KLKB1: variants seen among roughly 807,000 people sequenced by gnomAD.
The protein encoded by KLKB1 is kallikrein B1.
KLKB1 carries 58 observed loss-of-function variants against 73.6 expected under a neutral mutation model. The observed-to-expected ratio is 0.79, with a 90% CI of 0.64 to 0.98. The LOEUF is 0.98. KLKB1 is among the 50% of genes least tolerant of loss of function. The probability of loss-of-function intolerance (pLI) is 0.00; values close to 1 mark genes in which losing one functional copy is unlikely to be tolerated. For synonymous variants in KLKB1, 280 were observed against 258.1 expected (o/e 1.08, Z -0.81); for missense variants, 737 against 763.8 (o/e 0.96, Z 0.41).
chr4:186,254,672 A>G lies in KLKB1; in HGVS notation c.1398A>G (p.Ile466Met). The G allele has an allele frequency of 1.2e-6, 2 of 1,613,518 alleles. No individual in the cohort carries two copies. Among genetic ancestry groups the G allele is most frequent in the African/African-American group, 1.3e-5 (1 of 75,048 alleles). Residue 466 changes from isoleucine (I) to methionine (M), a missense_variant, in exon 12 of 15, where the codon ATA becomes ATG. Transcript: ENST00000264690. Reference sequence around the variant, plus strand: ...CAAAAGATACACCTTTCTCACAAATAAAAGAGATTATTATTCACCAAAACT... The same window carrying G: ...CAAAAGATACACCTTTCTCACAAATGAAAGAGATTATTATTCACCAAAACT... ...DITKDTPFSQIKEIIIHQNYK... is the reference protein window; with the variant it reads ...DITKDTPFSQMKEIIIHQNYK...
intron 2 of KLKB1, among the ~76,000 whole-genome samples, chr4:186,221,105 T>C (rs1294176327): frequency 6.6e-6 from 1 of 151,204 alleles, no homozygotes; most frequent in Non-Finnish European, 1.5e-5. Context: ...CTGTTTTTCA[T>C]AGTAGTCTCA....
At chr4:186,217,295 T>C (rs904040751) in intron 2 of KLKB1, among the ~76,000 whole-genome samples, 1 of 152,140 alleles carries the variant, frequency 6.6e-6, no homozygotes, top group East Asian at 1.9e-4. Flanking sequence ...TGTTTTGTTG[T>C]TGTTGTTGTT....
intron 7 of KLKB1, 50 bp downstream of exon 7, chr4:186,250,452 C>G (rs1446057367): frequency 7.6e-6 from 12 of 1,580,818 alleles, no homozygotes; most frequent in Non-Finnish European, 9.6e-6. Flanking sequence ...GCATGGGGAG[C>G]ACTTGCTGCT....
intron 6 of KLKB1, among the ~76,000 whole-genome samples, chr4:186,248,163 G>A (rs562783387): frequency 7.1e-4 from 108 of 152,176 alleles, no homozygotes; most frequent in South Asian, 2.3e-3. Flanking sequence ...CAGGAGAATG[G>A]CCTGAACCCA....
intron 7 of KLKB1, 164 bp from the exon 8 acceptor site, chr4:186,251,055 C>G (rs1561463708): frequency 1.6e-6 from 1 of 609,252 alleles, no homozygotes; most frequent in Non-Finnish European, 2.9e-6. Flanking sequence ...CATTTAATCT[C>G]TGCAATTTAT....
rs201643294 is a variant in KLKB1 at position 186,250,326 on chromosome 4, C to G, written c.682C>G (p.Arg228Gly). ...RVLTPDAFVC[R>G]TICTYHPNCL... ...TCTCACTCCAGATGCTTTTGTGTGT[C>G]GGACCATCTGCACCTATCACCCCAA... The change falls in exon 7 of 15, where the codon CGG (arginine) becomes GGG (glycine). Residue 228 changes from arginine to glycine, a missense_variant. By Grantham distance (125) the Arg-to-Gly change is moderately radical. Transcript: ENST00000264690. 1.2e-6 allele frequency: 2 copies of G among 1,613,952 alleles called. No individual in the cohort carries two copies.
intron 2 of KLKB1, among the ~76,000 whole-genome samples, chr4:186,231,762 A>G (rs543681085): frequency 1.6e-4 from 25 of 152,360 alleles, no homozygotes; most frequent in African/African-American, 6.0e-4. Flanking sequence ...GATGTTTGTT[A>G]CAAAAGTGTT....
chr4:186,243,963 G>A (rs1232638883), intron 6 of KLKB1, among the ~76,000 whole-genome samples: 1 of 152,124 alleles, frequency 6.6e-6, no homozygotes, highest in East Asian at 1.9e-4. Flanking sequence ...GAAATGGAGT[G>A]GATGTCAGGT....
chr4:186,250,413 A>G lies in KLKB1; in HGVS notation c.758+11A>G, dbSNP rs370283934. 1.8e-5 allele frequency: 29 copies of G among 1,613,598 alleles called. No individual in the cohort carries two copies. The African/African-American group carries it at 3.2e-4, about 18-fold the overall frequency. ...AATCGAGTCACAAAGGCGAGTATGC[A>G]TGGAAAATCGCATCACAAAGGCGAG... On this transcript the variant is annotated intron_variant, in intron 7 of 14. Coordinates refer to ENST00000264690, the MANE Select transcript of KLKB1 (RefSeq NM_000892.5).
At chr4:186,236,113 CAAAAA>C (rs57285912) in intron 4 of KLKB1, among the ~76,000 whole-genome samples, 16 of 113,770 alleles carry the variant, frequency 1.4e-4, no homozygotes, top group Admixed American at 1.8e-4. Flanking sequence ...GACTCCGTCT[CAAAAA>C]AAAAAAAAAA....
At chr4:186,238,174 A>T in intron 5 of KLKB1, 82 bp from the exon 6 acceptor site, 1 of 892,252 alleles carries the variant, frequency 1.1e-6, no homozygotes, top group Non-Finnish European at 1.9e-6. Flanking sequence ...TCCACTGTGC[A>T]TTTTAATACT....
At chr4:186,251,718 G>GCTTA in intron 9 of KLKB1, 31 bp from the exon 10 acceptor site, 1 of 1,605,566 alleles carries the variant, frequency 6.2e-7, no homozygotes, top group Non-Finnish European at 8.5e-7. Context: ...CCCTGTGAAG[G>GCTTA]CTTACTCTTT....
intron 11 of KLKB1, 125 bp downstream of exon 11, chr4:186,252,310 C>T: frequency 1.9e-6 from 2 of 1,061,078 alleles, no homozygotes; most frequent in Non-Finnish European, 2.8e-6. Context: ...GGATGGTATT[C>T]ACAACATTTA....
In KLKB1 at chr4:186,236,997, ATTC is replaced by A. The variant is rs985518134; in HGVS notation, c.488+63_488+65del. On this transcript the variant is annotated intron_variant, in intron 5 of 14. Coordinates refer to ENST00000264690, the MANE Select transcript of KLKB1 (RefSeq NM_000892.5). Reference sequence around the variant, plus strand: ...ATTGGTGCCTCCAGGATTTCACTGTATTCTTCTTAACCTCTTTTGTTCCCAAAC... The same window carrying A: ...ATTGGTGCCTCCAGGATTTCACTGTATTCTTAACCTCTTTTGTTCCCAAAC... 8 of 1,567,382 alleles carry A rather than the reference ATTC, an allele frequency of 5.1e-6. No homozygotes were observed. The African/African-American group carries it at 1.1e-4, about 21-fold the overall frequency.
intron 2 of KLKB1, among the ~76,000 whole-genome samples, chr4:186,217,114 T>G (rs1038553945): frequency 2.6e-5 from 4 of 152,156 alleles, no homozygotes; most frequent in African/African-American, 9.7e-5. Context: ...TCTACAGAGG[T>G]TTTTTTAGTT....
chr4:186,248,389 C>T (rs2126663635), intron 6 of KLKB1, among the ~76,000 whole-genome samples: 1 of 152,158 alleles, frequency 6.6e-6, no homozygotes, highest in Admixed American at 6.5e-5. Context: ...GGACTTGACT[C>T]TTCGGGACAT....
chr4:186,235,712 G>A (rs904807841), intron 4 of KLKB1, among the ~76,000 whole-genome samples: 1 of 151,998 alleles, frequency 6.6e-6, no homozygotes, highest in Non-Finnish European at 1.5e-5. Flanking sequence ...AGTAGATTAT[G>A]GTTTATTCCA....
chr4:186,212,318 C>A (rs1736748961), intron 2 of KLKB1: 1 of 152,178 alleles, frequency 6.6e-6, no homozygotes, highest in African/African-American at 2.4e-5. Flanking sequence ...AGCCATTCAT[C>A]TATATTTAGT....
At chr4:186,237,664 A>T (rs1388629586) in intron 5 of KLKB1, among the ~76,000 whole-genome samples, 1 of 151,988 alleles carries the variant, frequency 6.6e-6, no homozygotes, top group African/African-American at 2.4e-5. Context: ...CTTATTTTTA[A>T]ATCTTATTTT....
Sources: allele counts gnomAD v4.1 joint callset (sites outside exome capture counted in the v4.1 genomes callset), GRCh38; gene constraint gnomAD v4.1.1; transcripts MANE v1.5; gene names NCBI Gene and HGNC (gene_info 2026-07-23, HGNC 2026-07-21).